RBFOX1: variants seen among roughly 807,000 people sequenced by gnomAD.
RBFOX1 encodes the protein RNA binding fox-1 homolog 1.
RBFOX1 carries 8 observed loss-of-function variants against 57.7 expected under a neutral mutation model. The ratio of observed to expected loss-of-function variants is 0.14; its 90% CI spans 0.08 to 0.25. RBFOX1 has a LOEUF of 0.25. RBFOX1 is among the 10% of genes least tolerant of loss of function. RBFOX1 has a pLI of 1.00. For synonymous variants in RBFOX1, 326 were observed against 222.4 expected (o/e 1.47, Z -4.15); for missense variants, 611 against 548.5 (o/e 1.11, Z -1.14).
intron 3 of RBFOX1, among the ~76,000 whole-genome samples, chr16:6,823,128 C>G (rs541602406): frequency 1.6e-4 from 25 of 152,202 alleles, no homozygotes; most frequent in African/African-American, 5.5e-4. Flanking sequence ...TTTATGAAGC[C>G]TGTATTTGAT....
intron 3 of RBFOX1, among the ~76,000 whole-genome samples, chr16:6,925,348 C>T (rs1268969383): frequency 6.6e-6 from 1 of 151,634 alleles, no homozygotes; most frequent in Non-Finnish European, 1.5e-5. Flanking sequence ...TGGTCTTGAA[C>T]TCCTGACCTC....
intron 5 of RBFOX1, among the ~76,000 whole-genome samples, chr16:7,560,581 C>A (rs1429199368): frequency 1.3e-5 from 2 of 150,746 alleles, no homozygotes; most frequent in Admixed American, 6.6e-5. Flanking sequence ...CAAAGCGTGT[C>A]CTGGAGCATA....
At chr16:7,502,274 G>C (rs569112286) in intron 4 of RBFOX1, among the ~76,000 whole-genome samples, 1 of 151,702 alleles carries the variant, frequency 6.6e-6, no homozygotes, top group Non-Finnish European at 1.5e-5. Context: ...TACTATGTGC[G>C]GAAGAAAAAG....
intron 4 of RBFOX1, among the ~76,000 whole-genome samples, chr16:7,450,123 C>T (rs369922123): frequency 6.1e-4 from 93 of 152,088 alleles, no homozygotes; most frequent in East Asian, 4.1e-3. Flanking sequence ...TGGCCGAATG[C>T]GGTGGCTCAT....
At chr16:5,493,764 C>T (rs1275615151) in intron 2 of RBFOX1, among the ~76,000 whole-genome samples, 1 of 152,210 alleles carries the variant, frequency 6.6e-6, no homozygotes, top group Non-Finnish European at 1.5e-5. Flanking sequence ...TTTGTCTTCA[C>T]TTCCCATCAG....
chr16:7,105,780 G>A (rs13338107), intron 4 of RBFOX1, among the ~76,000 whole-genome samples: 81,775 of 146,866 alleles, frequency 0.56, 22,455 homozygotes, highest in African/African-American at 0.65. Context: ...CTATGTAGAT[G>A]TATATAGAGA....
At chr16:7,408,067 C>T (rs2098377018) in intron 4 of RBFOX1, among the ~76,000 whole-genome samples, 1 of 152,218 alleles carries the variant, frequency 6.6e-6, no homozygotes, top group South Asian at 2.1e-4. Context: ...TGGATGCTGG[C>T]AAGCTCCCTT....
chr16:5,857,428 G>T (rs2057100662), intron 3 of RBFOX1, among the ~76,000 whole-genome samples: 3 of 152,280 alleles, frequency 2.0e-5, no homozygotes, highest in South Asian at 2.1e-4. Flanking sequence ...AAATGGCACT[G>T]ATAGACTTGC....
At chr16:7,117,268 G>A (rs906873254) in intron 4 of RBFOX1, among the ~76,000 whole-genome samples, 6 of 152,126 alleles carry the variant, frequency 3.9e-5, no homozygotes, top group Non-Finnish European at 7.3e-5. Flanking sequence ...TTCATTGTAC[G>A]AACAGCCTAG....
chr16:6,689,588 C>T (rs1306076607), intron 3 of RBFOX1, among the ~76,000 whole-genome samples: 1 of 152,092 alleles, frequency 6.6e-6, no homozygotes, highest in South Asian at 2.1e-4. Context: ...ATGACAATGT[C>T]TACTATAAAC....
In RBFOX1 at chr16:6,999,206, A is replaced by ATTTTATTTTAT. The variant is rs1568299754; in HGVS notation, c.-15-52847_-15-52846insATTTTATTTTT. Among the ~76,000 whole-genome samples, 13 of 72,130 alleles carry ATTTTATTTTAT rather than the reference A, an allele frequency of 1.8e-4. 1 individual carries two copies. The Middle Eastern group carries it at 0.019, about 106-fold the overall frequency. 47.3% of individuals were successfully genotyped at this position (72,130 alleles called of 152,430 possible). Reference sequence around the variant, plus strand: ...TTTATTTTATTTTATTTTATTTTTTATTTTTATTTATTTTTTTTATTTATT... The same window carrying ATTTTATTTTAT: ...TTTATTTTATTTTATTTTATTTTTTATTTTATTTTATTTTTTATTTATTTTTTTTATTTATT... On this transcript the variant is annotated intron_variant, in intron 3 of 15. Transcript: ENST00000550418.
At chr16:7,543,609 C>T (rs990163140) in intron 5 of RBFOX1, among the ~76,000 whole-genome samples, 1 of 151,006 alleles carries the variant, frequency 6.6e-6, no homozygotes, top group African/African-American at 2.4e-5. Context: ...AGAACCATTG[C>T]TTAAGGATTT....
intron 2 of RBFOX1, among the ~76,000 whole-genome samples, chr16:6,531,324 C>T (rs183058267): frequency 2.5e-4 from 38 of 152,256 alleles, no homozygotes; most frequent in Middle Eastern, 3.4e-3. Flanking sequence ...TTTGCAGGTA[C>T]TTCACTTAGC....
At chr16:6,542,096 C>CT (rs1012587633) in intron 2 of RBFOX1, among the ~76,000 whole-genome samples, 7 of 152,018 alleles carry the variant, frequency 4.6e-5, no homozygotes, top group East Asian at 3.9e-4. Context: ...ACAGAGATAA[C>CT]TTTTTTTTCT....
intron 2 of RBFOX1, among the ~76,000 whole-genome samples, chr16:6,525,361 A>T (rs977463112): frequency 1.3e-5 from 2 of 152,162 alleles, no homozygotes; most frequent in African/African-American, 2.4e-5. Context: ...AGTTGAGTAC[A>T]CTTCTCCTGA....
At chr16:7,299,005 G>A (rs1358401962) in intron 4 of RBFOX1, among the ~76,000 whole-genome samples, 2 of 152,168 alleles carry the variant, frequency 1.3e-5, no homozygotes, top group Non-Finnish European at 2.9e-5. Flanking sequence ...GAATATCCTG[G>A]TTTATGTATC....
intron 3 of RBFOX1, among the ~76,000 whole-genome samples, chr16:5,775,970 A>G (rs961905866): frequency 6.6e-6 from 1 of 152,172 alleles, no homozygotes; most frequent in African/African-American, 2.4e-5. Flanking sequence ...GCTCCCCAGG[A>G]TGAGCGATGA....
chr16:6,524,971 C>A (rs1308930926), intron 2 of RBFOX1, among the ~76,000 whole-genome samples: 1 of 152,126 alleles, frequency 6.6e-6, no homozygotes, highest in Non-Finnish European at 1.5e-5. Context: ...CAAATAAGGT[C>A]ACTTCTGAGT....
intron 13 of RBFOX1, among the ~76,000 whole-genome samples, chr16:7,670,279 G>A (rs1170509091): frequency 6.6e-6 from 1 of 152,190 alleles, no homozygotes; most frequent in East Asian, 1.9e-4. Flanking sequence ...TGATCCAGCT[G>A]CCTTGGCCTC....
Sources: gnomAD v4.1 joint callset for allele counts (sites outside exome capture counted in the v4.1 genomes callset) on GRCh38, gnomAD v4.1.1 for gene constraint, MANE v1.5 for transcripts, NCBI Gene and HGNC (gene_info 2026-07-23, HGNC 2026-07-21) for gene names.